CDH13: variants seen among roughly 807,000 people sequenced by gnomAD.
CDH13 encodes cadherin-13.
In CDH13, 24 loss-of-function variants were observed where a neutral mutation model predicts 63.8. That is an observed-to-expected ratio of 0.38 (90% CI 0.27 to 0.53). The LOEUF is 0.53. CDH13 is among the 20% of genes least tolerant of loss of function. The probability of loss-of-function intolerance (pLI) is 0.85; values close to 1 mark genes in which losing one functional copy is unlikely to be tolerated. For missense variants in CDH13, 1,049 were observed against 903.1 expected (o/e 1.16, Z -2.07); for synonymous variants, 503 against 355.3 (o/e 1.42, Z -4.67).
At chr16:83,731,368 G>A (rs1911027075) in intron 10 of CDH13, among the ~76,000 whole-genome samples, 1 of 152,196 alleles carries the variant, frequency 6.6e-6, no homozygotes, top group Non-Finnish European at 1.5e-5. Flanking sequence ...TGACTGGTGT[G>A]AGATGGTATC....
chr16:83,236,903 ACAT>A (rs1231506995), intron 5 of CDH13, among the ~76,000 whole-genome samples: 10 of 152,046 alleles, frequency 6.6e-5, no homozygotes, highest in South Asian at 6.2e-4. Flanking sequence ...TGGTTCTACA[ACAT>A]CATGAGTACA....
chr16:83,127,021 C>T (rs1410813481), intron 4 of CDH13, among the ~76,000 whole-genome samples: 2 of 151,986 alleles, frequency 1.3e-5, no homozygotes, highest in East Asian at 3.9e-4. Flanking sequence ...GTTGGAGGTA[C>T]TGATATTTGA....
intron 10 of CDH13, among the ~76,000 whole-genome samples, chr16:83,699,972 G>T (rs1905970038): frequency 6.6e-6 from 1 of 152,132 alleles, no homozygotes; most frequent in African/African-American, 2.4e-5. Flanking sequence ...AAGTTGATGA[G>T]TTCTGACATA....
At chr16:82,653,855 G>T (rs149107521) in intron 1 of CDH13, among the ~76,000 whole-genome samples, 6 of 152,252 alleles carry the variant, frequency 3.9e-5, no homozygotes, top group African/African-American at 1.4e-4. Context: ...TTCCGGAGAA[G>T]AAGACTGAAG....
At chr16:83,714,229 A>G (rs958309345) in intron 10 of CDH13, among the ~76,000 whole-genome samples, 1 of 152,256 alleles carries the variant, frequency 6.6e-6, no homozygotes, top group Non-Finnish European at 1.5e-5. Context: ...GTTTCCAGAA[A>G]TGTAGAGAGG....
chr16:83,163,613 C>G (rs1393577618), intron 4 of CDH13, among the ~76,000 whole-genome samples: 4 of 152,024 alleles, frequency 2.6e-5, no homozygotes, highest in Admixed American at 6.6e-5. Flanking sequence ...CAGATGGAAC[C>G]ATATGACTAG....
chr16:82,674,658 A>G (rs760294334), intron 1 of CDH13, among the ~76,000 whole-genome samples: 1 of 152,224 alleles, frequency 6.6e-6, no homozygotes, highest in African/African-American at 2.4e-5. Flanking sequence ...GCAAAACATT[A>G]TTGAGAAATA....
At chr16:82,960,640 C>T (rs974344324) in intron 2 of CDH13, among the ~76,000 whole-genome samples, 22 of 152,192 alleles carry the variant, frequency 1.4e-4, no homozygotes, top group Middle Eastern at 3.4e-3. Flanking sequence ...GTTTCCATTT[C>T]GGTATAGCAG....
rs192937396 is a variant in CDH13, at chr16:82,897,467, G to T, written c.157+38994G>T. 1.7e-3 allele frequency among the ~76,000 whole-genome samples: 256 copies of T among 152,228 alleles called. 4 individuals are homozygous for T. The highest frequency in any genetic ancestry group is 4.6e-4 in the Non-Finnish European group (31 of 68,026). ...CTCCAGGTTTTCTGCCTCACTTTTG[G>T]CTCTCTCAGCTACTTTATTACTGAG... is the stretch of plus-strand genomic sequence containing the variant. On this transcript the variant is annotated intron_variant, in intron 2 of 13. Coordinates refer to ENST00000567109, the MANE Select transcript of CDH13 (RefSeq NM_001257.5).
intron 2 of CDH13, among the ~76,000 whole-genome samples, chr16:83,030,595 A>G (rs993448927): frequency 1.7e-4 from 25 of 144,558 alleles, no homozygotes; most frequent in African/African-American, 5.9e-4. Flanking sequence ...GTCAGCCAAG[A>G]TCGCGCCACT....
intron 7 of CDH13, among the ~76,000 whole-genome samples, chr16:83,574,212 T>C (rs915971527): frequency 2.0e-5 from 3 of 152,210 alleles, no homozygotes; most frequent in Non-Finnish European, 4.4e-5. Context: ...GATGTTGCTA[T>C]TGTCGTCATT....
intron 1 of CDH13, among the ~76,000 whole-genome samples, chr16:82,654,708 C>G (rs1270618800): frequency 1.3e-5 from 2 of 150,830 alleles, no homozygotes; most frequent in African/African-American, 4.9e-5. Context: ...GCTGTACCAT[C>G]AAAGGAACCA....
chr16:82,835,594 C>T (rs935316895), intron 1 of CDH13, among the ~76,000 whole-genome samples: 2 of 152,182 alleles, frequency 1.3e-5, no homozygotes, highest in African/African-American at 4.8e-5. Context: ...GGTTATTTAA[C>T]ACGCCAGGGG....
intron 3 of CDH13, among the ~76,000 whole-genome samples, chr16:83,050,771 A>G (rs541543242): frequency 3.9e-5 from 6 of 152,182 alleles, no homozygotes; most frequent in Admixed American, 2.0e-4. Flanking sequence ...ACTGGGGTTA[A>G]CTGTGTGAGT....
intron 5 of CDH13, among the ~76,000 whole-genome samples, chr16:83,278,368 C>T (rs536754858): frequency 4.6e-5 from 7 of 152,272 alleles, no homozygotes; most frequent in Middle Eastern, 3.4e-3. Context: ...AAGCAAAAGG[C>T]ACCTTCTAAG....
chr16:82,942,527 G>A (rs1290117383), intron 2 of CDH13, among the ~76,000 whole-genome samples: 1 of 152,154 alleles, frequency 6.6e-6, no homozygotes, highest in African/African-American at 2.4e-5. Context: ...GGCTTTCTGA[G>A]CGGATGTGCC....
intron 6 of CDH13, among the ~76,000 whole-genome samples, chr16:83,466,820 T>C: frequency 6.6e-6 from 1 of 152,352 alleles, no homozygotes; most frequent in East Asian, 1.9e-4. Context: ...TCACATCATG[T>C]TAGCCCAATT....
chr16:82,852,008 G>C (rs1567600606), intron 1 of CDH13, among the ~76,000 whole-genome samples: 1 of 152,192 alleles, frequency 6.6e-6, no homozygotes, highest in Non-Finnish European at 1.5e-5. Context: ...GAGTTGGAGA[G>C]AGGAAAGCAT....
intron 7 of CDH13, among the ~76,000 whole-genome samples, chr16:83,521,862 C>T (rs1160734726): frequency 2.0e-5 from 3 of 152,202 alleles, no homozygotes; most frequent in African/African-American, 7.2e-5. Context: ...TTTTCAATAA[C>T]TTCACCTATA....
Sources: allele counts gnomAD v4.1 joint callset (sites outside exome capture counted in the v4.1 genomes callset), GRCh38; gene constraint gnomAD v4.1.1; transcripts MANE v1.5; gene names NCBI Gene and HGNC (gene_info 2026-07-23, HGNC 2026-07-21).